The following DNAJC21 variants were observed in gnomAD, a reference collection of about 807,000 sequenced individuals.
DNAJC21 encodes the protein dnaJ homolog subfamily C member 21.
In DNAJC21, 63 loss-of-function variants were observed where a neutral mutation model predicts 72.4. That is an observed-to-expected ratio of 0.87 (90% CI 0.71 to 1.07). The LOEUF is 1.07. Among genes scored for constraint, DNAJC21 ranks in the 50% least tolerant of loss-of-function variants. The probability of loss-of-function intolerance (pLI) is 0.00; values close to 1 mark genes in which losing one functional copy is unlikely to be tolerated. For synonymous variants in DNAJC21, 203 were observed against 216.7 expected, an observed-to-expected ratio of 0.94 and a Z score of 0.56; for missense variants, 634 against 644.8, an observed-to-expected ratio of 0.98 and a Z score of 0.18.
At chr5:34,949,290 ACT>A (rs1765276548) in intron 9 of DNAJC21, among the ~76,000 whole-genome samples, 1 of 152,158 alleles carries the variant, frequency 6.6e-6, no homozygotes, top group Admixed American at 6.6e-5. Flanking sequence ...ATTATGGGAC[ACT>A]CTACAAAACA....
intron 10 of DNAJC21, chr5:34,952,735 A>G (rs1765415904): frequency 1.3e-5 from 2 of 152,212 alleles, no homozygotes; most frequent in African/African-American, 4.8e-5. Context: ...TAATTTTTAA[A>G]TAAAAGTAAC....
At chr5:34,947,477 A>G (rs1248628999) in intron 9 of DNAJC21, among the ~76,000 whole-genome samples, 1 of 151,980 alleles carries the variant, frequency 6.6e-6, no homozygotes, top group East Asian at 1.9e-4. Context: ...TGTTAATCAC[A>G]TATTTAATGT....
chr5:34,945,826 A>G lies in DNAJC21; in HGVS notation c.1185+23A>G, dbSNP rs552342475. On this transcript the variant is annotated intron_variant, in intron 9 of 11. Coordinates refer to ENST00000648817, the MANE Select transcript of DNAJC21 (RefSeq NM_001012339.3). ...CAGGTATGTTAGAAAGGTTTTGTTA[A>G]CATTAAATGCCAACGATAAAGTTGC... 2.0e-6 allele frequency: 3 copies of G among 1,526,748 alleles called. No individual in the cohort carries two copies. In the South Asian group the frequency reaches 3.7e-5, roughly 19 times the overall value. The allele number at this position is 1,526,748 out of a possible 1,614,324, so 94.6% of individuals were successfully genotyped here.
At chr5:34,934,668 A>G (rs896783697) in intron 2 of DNAJC21, among the ~76,000 whole-genome samples, 4 of 152,180 alleles carry the variant, frequency 2.6e-5, no homozygotes, top group African/African-American at 9.7e-5. Flanking sequence ...GAAAATTACT[A>G]TGTTGAAGTT....
At chr5:34,934,394 ATTTT>A (rs375582769) in intron 2 of DNAJC21, among the ~76,000 whole-genome samples, 1 of 134,506 alleles carries the variant, frequency 7.4e-6, no homozygotes. Context: ...ACACACCTGT[ATTTT>A]TTTTTTTTTT....
Position 34,944,892 on chromosome 5 carries a change from A to G in DNAJC21, c.1009A>G (p.Lys337Glu), listed in dbSNP as rs745646976. The G allele has an allele frequency of 1.2e-6, 2 of 1,614,126 alleles. No individual in the cohort carries two copies. Among genetic ancestry groups the G allele is most frequent in the Non-Finnish European group, 1.7e-6 (2 of 1,180,004 alleles). Residue 337 changes from lysine (K) to glutamate (E), a missense_variant, in exon 8 of 12, where the codon AAG (lysine) becomes GAG (glutamate). By Grantham distance (56) the Lys-to-Glu change is moderately conservative. Transcript: ENST00000648817. Reference protein sequence around the residue: ...KAMKNHEKSKKHREMVALLKQ... With the variant: ...KAMKNHEKSKEHREMVALLKQ... Reference sequence around the variant, plus strand: ...CATGAAGAATCACGAGAAGTCAAAGAAGCATCGGGAAATGGTGGCCTTGCT... The same window carrying G: ...CATGAAGAATCACGAGAAGTCAAAGGAGCATCGGGAAATGGTGGCCTTGCT...
chr5:34,954,914 C>A lies in DNAJC21; in HGVS notation c.*200C>A. 1 of 534,644 alleles carries A rather than the reference C, an allele frequency of 1.9e-6. No individual in the cohort carries two copies. Among genetic ancestry groups the A allele is most frequent in the Non-Finnish European group, 3.0e-6 (1 of 337,396 alleles). 33.1% of individuals were successfully genotyped at this position (534,644 alleles called of 1,614,324 possible). The stretch of plus-strand genomic sequence containing the variant: ...ACTAGTGATTGAATTCTACTTTTGC[C>A]ATCTGAATTGACTTGAATGTCTTAA... On this transcript the variant is annotated 3_prime_UTR_variant, in exon 12 of 12. Coordinates refer to ENST00000648817, the MANE Select transcript of DNAJC21 (RefSeq NM_001012339.3).
At chr5:34,947,693 T>G (rs541894811) in intron 9 of DNAJC21, among the ~76,000 whole-genome samples, 1 of 149,648 alleles carries the variant, frequency 6.7e-6, no homozygotes, top group South Asian at 2.1e-4. Flanking sequence ...ATCTTTTCTC[T>G]ATCATGTGCT....
chr5:34,948,167 A>C (rs993508039), intron 9 of DNAJC21, among the ~76,000 whole-genome samples: 2 of 152,194 alleles, frequency 1.3e-5, no homozygotes, highest in Admixed American at 6.5e-5. Flanking sequence ...GTTGGATTGA[A>C]GTGGAGATGT....
intron 9 of DNAJC21, chr5:34,949,553 G>A (rs1270308540): frequency 1.3e-6 from 2 of 1,556,258 alleles, no homozygotes; most frequent in African/African-American, 1.4e-5. Context: ...GATGTACCTG[G>A]CAAAGATTCA....
chr5:34,932,435 A>C (rs1251763673), intron 1 of DNAJC21, among the ~76,000 whole-genome samples: 1 of 152,050 alleles, frequency 6.6e-6, no homozygotes, highest in African/African-American at 2.4e-5. Context: ...AAAAAAAAAA[A>C]ACGAACTTTA....
chr5:34,949,716 T>C (rs778442027), intron 9 of DNAJC21: 1 of 1,611,136 alleles, frequency 6.2e-7, no homozygotes, highest in Non-Finnish European at 8.5e-7. Context: ...CTTTCTTTTA[T>C]AATGCCTGTT....
At chr5:34,952,594 A>T (rs1488414065) in intron 10 of DNAJC21, 1 of 152,200 alleles carries the variant, frequency 6.6e-6, no homozygotes, top group Non-Finnish European at 1.5e-5. Flanking sequence ...ATGCCAAGGA[A>T]AATTGAAATT....
rs1765574137 is a variant in DNAJC21 at position 34,957,638 on chromosome 5, T to C, written c.*2924T>C. On this transcript the variant is annotated 3_prime_UTR_variant, in exon 12 of 12. Coordinates refer to ENST00000648817, the MANE Select transcript of DNAJC21 (RefSeq NM_001012339.3). ...TTTTCTAAATCCTCCCCTACAAAAT[T>C]TTCAGATTGGAAATTACTCTTGTAT... 1 of 152,106 alleles carries C rather than the reference T, an allele frequency of 6.6e-6. No individual in the cohort carries two copies. Among genetic ancestry groups the C allele is most frequent in the Admixed American group, 6.5e-5 (1 of 15,274 alleles). 9.4% of individuals were successfully genotyped at this position (152,106 alleles called of 1,614,324 possible).
At chr5:34,939,327 G>T (rs1764908617) in intron 6 of DNAJC21, among the ~76,000 whole-genome samples, 1 of 151,766 alleles carries the variant, frequency 6.6e-6, no homozygotes, top group African/African-American at 2.4e-5. Context: ...CTGCAGTGGC[G>T]CAATCTCGGC....
In DNAJC21 at chr5:34,938,846, G is replaced by A. The variant is rs1484446896; in HGVS notation, c.744-12G>A. 2.5e-6 allele frequency: 4 copies of A among 1,601,544 alleles called. No individual in the cohort carries two copies. Among genetic ancestry groups the A allele is most frequent in the African/African-American group, 1.3e-5 (1 of 74,242 alleles). On this transcript the variant is annotated splice_polypyrimidine_tract_variant and intron_variant, in intron 5 of 11. Transcript: ENST00000648817. ...GTGCTTGTCGCTGTGAGACTGTGCT[G>A]TATGTGTCTAGACTGGTGGAGCAGT...
At chr5:34,938,830 G>A (rs373376023) in intron 5 of DNAJC21, 28 bp from the exon 6 acceptor site, 35 of 1,550,766 alleles carry the variant, frequency 2.3e-5, no homozygotes, top group South Asian at 8.7e-5. Flanking sequence ...CGTGCTTGTC[G>A]CTGTGAGACT....
chr5:34,932,162 T>A (rs1028036492), intron 1 of DNAJC21, among the ~76,000 whole-genome samples: 7 of 152,200 alleles, frequency 4.6e-5, no homozygotes, highest in Non-Finnish European at 1.0e-4. Context: ...GACTCACACC[T>A]GTAATCCCAG....
intron 2 of DNAJC21, 148 bp from the exon 3 acceptor site, chr5:34,935,562 A>T: frequency 1.2e-6 from 1 of 808,742 alleles, no homozygotes; most frequent in South Asian, 1.8e-5. Flanking sequence ...AACTCTTTTC[A>T]TGTTAATATT....
Sources: gnomAD v4.1 joint callset for allele counts (sites outside exome capture counted in the v4.1 genomes callset) on GRCh38, gnomAD v4.1.1 for gene constraint, MANE v1.5 for transcripts, NCBI Gene and HGNC (gene_info 2026-07-23, HGNC 2026-07-21) for gene names.